FCAMR: variants seen among roughly 807,000 people sequenced by gnomAD.
FCAMR encodes Fc alpha and mu receptor.
In FCAMR, 51 loss-of-function variants were observed where a neutral mutation model predicts 52.2. The ratio of observed to expected loss-of-function variants is 0.98; its 90% CI spans 0.78 to 1.23. The LOEUF (loss-of-function observed/expected upper bound fraction) is 1.23. FCAMR is among the 50% of genes most tolerant of loss of function. The pLI is 0.00. For synonymous variants in FCAMR, 282 were observed against 262.0 expected, an observed-to-expected ratio of 1.08 and a Z score of -0.74; for missense variants, 719 against 712.6, an observed-to-expected ratio of 1.01 and a Z score of -0.10.
intron 4 of FCAMR, among the ~76,000 whole-genome samples, chr1:206,963,266 G>A (rs1454526752): frequency 6.6e-6 from 1 of 152,128 alleles, no homozygotes; most frequent in Non-Finnish European, 1.5e-5. Flanking sequence ...CACCATATAA[G>A]CACAGATGAG....
chr1:206,958,936 C>A, intron 7 of FCAMR: 1 of 617,880 alleles, frequency 1.6e-6, no homozygotes, highest in Non-Finnish European at 3.1e-6. Context: ...ATCACAGAGC[C>A]CTCACTTTAA....
chr1:206,959,510 A>AAAAG (rs1340887436), intron 7 of FCAMR, among the ~76,000 whole-genome samples, 169 bp downstream of exon 7: 5 of 150,276 alleles, frequency 3.3e-5, no homozygotes, highest in Admixed American at 6.6e-5. Context: ...AAGAAAGAAA[A>AAAAG]AAAGAAAGAA....
At chr1:206,967,689 A>T in intron 1 of FCAMR, 38 bp from the exon 2 acceptor site, 1 of 1,600,608 alleles carries the variant, frequency 6.2e-7, no homozygotes, top group South Asian at 1.1e-5. Context: ...TCAAGGGAAG[A>T]TTTCTGTTTC....
rs545651115 is a variant in FCAMR at position 206,960,763 on chromosome 1, C to T, written c.1113G>A (p.Lys371=). The T allele has an allele frequency of 4.5e-6, 7 of 1,552,354 alleles. No individual in the cohort carries two copies. In the South Asian group the frequency reaches 7.1e-5, roughly 16 times the overall value. ...CTGGTGGCCCAATGGTTCCTAGGACCTTTTTGGCTGCATCAAGAGCTATCC... is the reference window on the plus strand; with the variant it reads ...CTGGTGGCCCAATGGTTCCTAGGACTTTTTTGGCTGCATCAAGAGCTATCC... ...GVRIALDAAK[K]VLGTIGPPAL... The change falls in exon 6 of 8, where the codon AAG becomes AAA. Residue 371 remains lysine (K), a synonymous_variant. Transcript: ENST00000324852.
At chr1:206,965,598 A>G in intron 4 of FCAMR, 117 bp downstream of exon 4, 6 of 1,243,794 alleles carry the variant, frequency 4.8e-6, no homozygotes, top group Middle Eastern at 2.9e-4. Context: ...GTCTATTGCT[A>G]TGGCTTCCAT....
At chr1:206,967,682 A>G in intron 1 of FCAMR, 31 bp from the exon 2 acceptor site, 3 of 1,608,614 alleles carry the variant, frequency 1.9e-6, no homozygotes, top group Non-Finnish European at 2.6e-6. Context: ...GGTTTTTTCA[A>G]GGGAAGATTT....
chr1:206,962,306 G>A lies in FCAMR; in HGVS notation c.559C>T (p.Gln187Ter). 1 of 1,614,180 alleles carries A rather than the reference G, an allele frequency of 6.2e-7. No homozygotes were observed. Among genetic ancestry groups the A allele is most frequent in the Non-Finnish European group, 8.5e-7 (1 of 1,180,032 alleles). Residue 187 changes from glutamine (Q) to a stop codon, truncating the protein, a stop_gained, in exon 5 of 8, where the codon CAA (glutamine) becomes TAA (stop). Coordinates refer to ENST00000324852, the MANE Select transcript of FCAMR (RefSeq NM_001170631.2). LOFTEE classifies it high-confidence loss of function. ...CATCCGATGTCATCCGGGGACAGTT[G>A]GGACAGCCTCACCACAAACAAGCCT... Reference protein sequence around the residue: ...QRGLFVVRLSQLSPDDIGCYL... With the variant: ...QRGLFVVRLS
chr1:206,966,290 C>T (rs1270111329), intron 3 of FCAMR, among the ~76,000 whole-genome samples: 1 of 152,162 alleles, frequency 6.6e-6, no homozygotes, highest in Non-Finnish European at 1.5e-5. Context: ...CCTGAGTTGT[C>T]GTTTACTGAA....
In FCAMR at chr1:206,970,165, C is replaced by A. The variant is rs1462923062; in HGVS notation, c.-40G>T. On this transcript the variant is annotated 5_prime_UTR_variant, in exon 1 of 8. The change creates a new upstream start codon in the 5' untranslated region. Transcript: ENST00000324852. ...AAGATCCAGGTGGACTTTTCTTCTC[C>A]TTATGAGATGCAGGTGTTTGGACGA... The A allele has an allele frequency of 6.2e-7, 1 of 1,611,836 alleles. No individual in the cohort carries two copies. Among genetic ancestry groups the A allele is most frequent in the Non-Finnish European group, 8.5e-7 (1 of 1,178,308 alleles).
chr1:206,965,897 C>G (rs1262140089), intron 3 of FCAMR, 39 bp from the exon 4 acceptor site: 4 of 1,609,190 alleles, frequency 2.5e-6, no homozygotes, highest in Non-Finnish European at 3.4e-6. Context: ...AGGGGGCCAT[C>G]CATGTGTCCA....
rs1392350916 is a variant in FCAMR, at chr1:206,961,223, C to A, written c.653G>T (p.Gly218Val). ...GGCTGTGGGGAGGGTGCTGGCGGGA[C>A]CTGTGTGGACAGCAGAGGGAGGCCA... is the stretch of plus-strand genomic sequence containing the variant. ...FLSMNLTISA[G>V]PASTLPTATP... The change falls in exon 6 of 8, where the codon GGT (glycine) becomes GTT (valine). Residue 218 changes from glycine (G) to valine (V), a missense_variant and splice_region_variant. By Grantham distance (109) the Gly-to-Val change is moderately radical (BLOSUM62 -3). Transcript: ENST00000324852. The A allele has an allele frequency of 1.3e-6, 2 of 1,537,754 alleles. No individual in the cohort carries two copies. Among genetic ancestry groups the A allele is most frequent in the Admixed American group, 2.0e-5 (1 of 48,966 alleles).
In FCAMR at chr1:206,959,741, A is replaced by C; in HGVS notation, c.1511T>G (p.Leu504Arg). 6.2e-7 allele frequency: 1 copy of C among 1,614,210 alleles called. No homozygotes were observed. The highest frequency in any genetic ancestry group is 8.5e-7 in the Non-Finnish European group (1 of 1,180,036). ...SRTLAPVSTM[L>R]ALFMLMALVL... ...CAGAGCCATAAGCATAAACAGGGCC[A>C]GCATGGTAGAGACAGGAGCCAGGGT... Residue 504 changes from leucine to arginine, a missense_variant, in exon 7 of 8, where the codon CTG (leucine) becomes CGG (arginine). Physicochemically the swap from Leu to Arg is moderately radical, Grantham distance 102 (BLOSUM62 -2). Coordinates refer to ENST00000324852, the MANE Select transcript of FCAMR (RefSeq NM_001170631.2).
Position 206,962,657 on chromosome 1 carries a change from A to T in FCAMR, c.314-106T>A, listed in dbSNP as rs1680558827. The T allele has an allele frequency of 4.5e-6, 4 of 891,960 alleles. No individual in the cohort carries two copies. In the Admixed American group the frequency reaches 1.2e-4, roughly 27 times the overall value. 55.3% of individuals were successfully genotyped at this position (891,960 alleles called of 1,614,324 possible). A position where few individuals can be genotyped will look rare whatever the true frequency, so the allele number is the denominator to read the frequency against. Reference sequence around the variant, plus strand: ...CCAGAATTAGGGGTCAAGTCAGAAAATACCACTGTGAACATGGAGCAGAAT... The same window carrying T: ...CCAGAATTAGGGGTCAAGTCAGAAATTACCACTGTGAACATGGAGCAGAAT... On this transcript the variant is annotated intron_variant, in intron 4 of 7. Transcript: ENST00000324852.
At chr1:206,966,397 T>G (rs1433911591) in intron 3 of FCAMR, among the ~76,000 whole-genome samples, 1 of 152,198 alleles carries the variant, frequency 6.6e-6, no homozygotes. Flanking sequence ...GTTTTTGTTT[T>G]TGTTTTGAGA....
chr1:206,968,798 G>C (rs979764670), intron 1 of FCAMR, among the ~76,000 whole-genome samples: 6 of 152,172 alleles, frequency 3.9e-5, no homozygotes, highest in Non-Finnish European at 7.4e-5. Context: ...GAAAAGTAGA[G>C]AGTCCATGGG....
In FCAMR at chr1:206,959,761, C is replaced by G; in HGVS notation, c.1491G>C (p.Leu497=). The stretch of plus-strand genomic sequence containing the variant: ...GGGCCAGCATGGTAGAGACAGGAGC[C>G]AGGGTCCGAGAGCTGCTTTCATCTT... ...FPEDESSSRT[L]APVSTMLALF... is the part of the protein sequence containing the mutation. The change falls in exon 7 of 8, where the codon CTG becomes CTC. Residue 497 remains leucine, a synonymous_variant. Transcript: ENST00000324852. 6.2e-7 allele frequency: 1 copy of G among 1,614,152 alleles called. No individual in the cohort carries two copies. Among genetic ancestry groups the G allele is most frequent in the Non-Finnish European group, 8.5e-7 (1 of 1,180,022 alleles).
chr1:206,958,431 GGAT>G lies in FCAMR; in HGVS notation c.*82_*84del. The G allele has an allele frequency of 7.2e-7, 1 of 1,391,420 alleles. No individual in the cohort carries two copies. The highest frequency in any genetic ancestry group is 9.6e-7 in the Non-Finnish European group (1 of 1,038,002). The allele number at this position is 1,391,420 out of a possible 1,614,324, so 86.2% of individuals were successfully genotyped here. On this transcript the variant is annotated 3_prime_UTR_variant, in exon 8 of 8. Coordinates refer to ENST00000324852, the MANE Select transcript of FCAMR (RefSeq NM_001170631.2). ...GCTTCTCTTCCCACAGGTGGAGGAA[GGAT>G]GATGGAAAGAGGCTGGGGTCCTGAA...
At chr1:206,959,886 G>A (rs1452005413) in intron 6 of FCAMR, 89 bp from the exon 7 acceptor site, 1 of 1,112,468 alleles carries the variant, frequency 9.0e-7, no homozygotes, top group East Asian at 2.4e-5. Flanking sequence ...TTACTTTACA[G>A]ATTGGGGAGC....
Position 206,962,248 on chromosome 1 carries a change from ATGT to A in FCAMR, c.614_616del (p.Asn205del). On this transcript the variant is annotated inframe_deletion, in exon 5 of 8. Coordinates refer to ENST00000324852, the MANE Select transcript of FCAMR (RefSeq NM_001170631.2). ...GGTCAGATTCATGCTTAAGAACAGCATGTTGTTTTCACTTCCAATGCCGCAGAG... is the reference window on the plus strand; with the variant it reads ...GGTCAGATTCATGCTTAAGAACAGCATGTTTTCACTTCCAATGCCGCAGAG... 6.2e-7 allele frequency: 1 copy of A among 1,614,154 alleles called. No individual in the cohort carries two copies. Among genetic ancestry groups the A allele is most frequent in the South Asian group, 1.1e-5 (1 of 91,078 alleles).
Sources: allele counts gnomAD v4.1 joint callset (sites outside exome capture counted in the v4.1 genomes callset), GRCh38; gene constraint gnomAD v4.1.1; transcripts MANE v1.5; gene names NCBI Gene and HGNC (gene_info 2026-07-23, HGNC 2026-07-21).